The following ST6GALNAC3 variants were observed in gnomAD, a reference collection of about 807,000 sequenced individuals.
The protein encoded by ST6GALNAC3 is alpha-N-acetylgalactosaminide alpha-2,6-sialyltransferase 3.
Under a neutral mutation model 32.7 loss-of-function variants are expected in ST6GALNAC3, and 25 were observed. The ratio of observed to expected loss-of-function variants is 0.76; its 90% confidence interval spans 0.56 to 1.07. The LOEUF (loss-of-function observed/expected upper bound fraction) is 1.07. Among genes scored for constraint, ST6GALNAC3 ranks in the 50% least tolerant of loss-of-function variants. ST6GALNAC3 has a pLI of 0.00. For synonymous variants in ST6GALNAC3, 129 were observed against 133.1 expected, an observed-to-expected ratio of 0.97 and a Z score of 0.21; for missense variants, 355 against 382.4, an observed-to-expected ratio of 0.93 and a Z score of 0.60.
intron 3 of ST6GALNAC3, among the ~76,000 whole-genome samples, chr1:76,446,723 T>G (rs1029615754): frequency 3.9e-5 from 6 of 152,148 alleles, no homozygotes; most frequent in African/African-American, 1.4e-4. Flanking sequence ...TCTCATGAGA[T>G]CTGATGGTTT....
At chr1:76,428,171 G>A (rs1281224903) in intron 3 of ST6GALNAC3, among the ~76,000 whole-genome samples, 1 of 151,862 alleles carries the variant, frequency 6.6e-6, no homozygotes, top group African/African-American at 2.4e-5. Flanking sequence ...TCATCTTTGA[G>A]GATGAATCAT....
At chr1:76,344,686 A>G (rs995947382) in intron 2 of ST6GALNAC3, among the ~76,000 whole-genome samples, 9 of 152,214 alleles carry the variant, frequency 5.9e-5, no homozygotes, top group African/African-American at 1.7e-4. Context: ...CCAGGTCTGG[A>G]AGAATATGCT....
intron 1 of ST6GALNAC3, among the ~76,000 whole-genome samples, chr1:76,226,508 T>C (rs1656078582): frequency 6.6e-6 from 1 of 152,226 alleles, no homozygotes; most frequent in Non-Finnish European, 1.5e-5. Context: ...CTTGCATTGC[T>C]ATCAAGAAAT....
intron 1 of ST6GALNAC3, among the ~76,000 whole-genome samples, chr1:76,170,789 G>T (rs905118997): frequency 2.0e-5 from 3 of 152,162 alleles, no homozygotes; most frequent in Non-Finnish European, 4.4e-5. Context: ...CGAGCACAAA[G>T]CATTGTTGTT....
chr1:76,251,261 T>C (rs1001523453), intron 1 of ST6GALNAC3, among the ~76,000 whole-genome samples: 5 of 152,328 alleles, frequency 3.3e-5, no homozygotes, highest in African/African-American at 1.2e-4. Context: ...AAACTTTCTC[T>C]TTCCTAAATA....
At chr1:76,440,716 G>A (rs1656515247) in intron 3 of ST6GALNAC3, among the ~76,000 whole-genome samples, 2 of 152,090 alleles carry the variant, frequency 1.3e-5, no homozygotes, top group African/African-American at 4.8e-5. Flanking sequence ...TTTATCATGA[G>A]AGTCCCTGTC....
At chr1:76,561,746 T>G (rs11803608) in intron 3 of ST6GALNAC3, among the ~76,000 whole-genome samples, 3,078 of 152,274 alleles carry the variant, frequency 0.02, 68 homozygotes, top group East Asian at 0.049. Flanking sequence ...AGGCCACACA[T>G]GATTCAGTAA....
At chr1:76,363,078 GC>G (rs1650095108) in intron 2 of ST6GALNAC3, among the ~76,000 whole-genome samples, 1 of 152,146 alleles carries the variant, frequency 6.6e-6, no homozygotes, top group African/African-American at 2.4e-5. Flanking sequence ...AGACATCCAG[GC>G]TTTTCTTTTC....
intron 1 of ST6GALNAC3, among the ~76,000 whole-genome samples, chr1:76,290,180 C>G (rs143299425): frequency 6.6e-5 from 10 of 152,372 alleles, no homozygotes; most frequent in Non-Finnish European, 1.3e-4. Flanking sequence ...CCTGCTCCCT[C>G]CACAGGATTA....
At chr1:76,401,633 T>A (rs559126487) in intron 2 of ST6GALNAC3, among the ~76,000 whole-genome samples, 148 of 152,304 alleles carry the variant, frequency 9.7e-4, no homozygotes, top group Non-Finnish European at 1.8e-3. Context: ...ATTATCTTCC[T>A]CCAGAGGAGA....
At chr1:76,123,207 A>G (rs1570069921) in intron 1 of ST6GALNAC3, among the ~76,000 whole-genome samples, 1 of 152,036 alleles carries the variant, frequency 6.6e-6, no homozygotes, top group Admixed American at 6.5e-5. Context: ...CCCCGTCTCT[A>G]CTAAAAATAC....
chr1:76,383,262 T>C (rs1651851249), intron 2 of ST6GALNAC3, among the ~76,000 whole-genome samples: 1 of 152,052 alleles, frequency 6.6e-6, no homozygotes, highest in Admixed American at 6.6e-5. Flanking sequence ...ATTATTTATC[T>C]ATTTATTTAT....
intron 1 of ST6GALNAC3, among the ~76,000 whole-genome samples, chr1:76,169,398 A>G (rs1035413402): frequency 3.9e-5 from 6 of 152,062 alleles, no homozygotes; most frequent in East Asian, 3.9e-4. Context: ...TTTCATTTCA[A>G]CCTTGGAGAA....
At chr1:76,098,186 T>C (rs551229039) in intron 1 of ST6GALNAC3, among the ~76,000 whole-genome samples, 37 of 152,340 alleles carry the variant, frequency 2.4e-4, no homozygotes, top group African/African-American at 8.7e-4. Context: ...TGCGTTTCTA[T>C]GGACGGGAAG....
chr1:76,215,645 A>T (rs1304072066), intron 1 of ST6GALNAC3, among the ~76,000 whole-genome samples: 1 of 152,216 alleles, frequency 6.6e-6, no homozygotes, highest in Non-Finnish European at 1.5e-5. Context: ...CCCCACCCAA[A>T]TCTTGGAGCG....
chr1:76,186,087 C>A (rs894607528), intron 1 of ST6GALNAC3, among the ~76,000 whole-genome samples: 4 of 152,116 alleles, frequency 2.6e-5, no homozygotes, highest in Admixed American at 6.5e-5. Flanking sequence ...GACCACTGTT[C>A]TCTTATACCC....
chr1:76,466,359 A>G (rs1658628488), intron 3 of ST6GALNAC3, among the ~76,000 whole-genome samples: 1 of 152,084 alleles, frequency 6.6e-6, no homozygotes, highest in African/African-American at 2.4e-5. Flanking sequence ...ACCAGTTCAC[A>G]CACAGTGCCA....
At chr1:76,592,618 C>A (rs1037736379) in intron 3 of ST6GALNAC3, among the ~76,000 whole-genome samples, 31 of 152,244 alleles carry the variant, frequency 2.0e-4, no homozygotes, top group Admixed American at 1.4e-3. Flanking sequence ...CTGACCCTGG[C>A]TCTATCACCG....
At chr1:76,134,909 G>A (rs908417798) in intron 1 of ST6GALNAC3, among the ~76,000 whole-genome samples, 1 of 152,184 alleles carries the variant, frequency 6.6e-6, no homozygotes, top group African/African-American at 2.4e-5. Flanking sequence ...TTGGGAGGCC[G>A]AGGCAGGCAG....
Sources: gnomAD v4.1 joint callset for allele counts (sites outside exome capture counted in the v4.1 genomes callset) on GRCh38, gnomAD v4.1.1 for gene constraint, MANE v1.5 for transcripts, NCBI Gene and HGNC (gene_info 2026-07-23, HGNC 2026-07-21) for gene names.